The following SH3D19 variants were observed in gnomAD, a reference collection of about 807,000 sequenced individuals.
The protein encoded by SH3D19 is SH3 domain-containing protein 19.
SH3D19 carries 58 observed loss-of-function variants against 112.1 expected under a neutral mutation model. That is an observed-to-expected ratio of 0.52 (90% confidence interval 0.42 to 0.64). SH3D19 has a LOEUF of 0.64. SH3D19 is among the 30% of genes least tolerant of loss of function. The pLI is 0.00. For synonymous variants in SH3D19, 391 were observed against 448.5 expected, an observed-to-expected ratio of 0.87 and a Z score of 1.62; for missense variants, 1,090 against 1,263.4, an observed-to-expected ratio of 0.86 and a Z score of 2.08.
rs113264898 is a variant in SH3D19, at chr4:151,309,684, G to C, written c.112+15557C>G. 6.5e-3 allele frequency among the ~76,000 whole-genome samples: 987 copies of C among 152,242 alleles called. 11 individuals carry two copies. The highest frequency in any genetic ancestry group is 0.023 in the African/African-American group (948 of 41,570). On this transcript the variant is annotated intron_variant, in intron 1 of 19. Coordinates refer to ENST00000604030, the MANE Select transcript of SH3D19 (RefSeq NM_001378122.1). ...ATACCATCTCACATCTGCTAGGATG[G>C]GTATTATCAAAAAGTCAGCCAGAGG...
At chr4:151,167,931 C>A (rs2149812159) in intron 7 of SH3D19, among the ~76,000 whole-genome samples, 1 of 152,388 alleles carries the variant, frequency 6.6e-6, no homozygotes, top group South Asian at 2.1e-4. Flanking sequence ...CGCTGTGCAA[C>A]CTTCCAAGTG....
chr4:151,176,790 C>A (rs1390685920), intron 5 of SH3D19, 27 bp downstream of exon 5: 4 of 1,231,452 alleles, frequency 3.2e-6, no homozygotes, highest in Non-Finnish European at 3.0e-6. Flanking sequence ...AAATAAAATG[C>A]AAAGAGATAA....
At chr4:151,213,112 G>C (rs1766240208) in intron 2 of SH3D19, among the ~76,000 whole-genome samples, 1 of 152,194 alleles carries the variant, frequency 6.6e-6, no homozygotes, top group South Asian at 2.1e-4. Flanking sequence ...TCCTTCTTCT[G>C]GATGAGCAAA....
intron 1 of SH3D19, among the ~76,000 whole-genome samples, chr4:151,260,317 C>G (rs565022207): frequency 6.6e-6 from 1 of 152,306 alleles, no homozygotes; most frequent in East Asian, 1.9e-4. Context: ...TCCTGATGCA[C>G]TTCTATTTGG....
At chr4:151,218,981 C>T (rs1015499085) in intron 2 of SH3D19, among the ~76,000 whole-genome samples, 2 of 152,198 alleles carry the variant, frequency 1.3e-5, no homozygotes, top group Admixed American at 1.3e-4. Flanking sequence ...TATACTGTAA[C>T]TATCCTTCTA....
intron 1 of SH3D19, among the ~76,000 whole-genome samples, chr4:151,315,756 A>G (rs1300470300): frequency 6.6e-6 from 1 of 152,250 alleles, no homozygotes; most frequent in East Asian, 1.9e-4. Context: ...GTCTGAGTAC[A>G]GCCTGAACAA....
chr4:151,145,865 C>T (rs1753834747), intron 11 of SH3D19, among the ~76,000 whole-genome samples: 1 of 152,160 alleles, frequency 6.6e-6, no homozygotes, highest in Non-Finnish European at 1.5e-5. Context: ...TCTTATTTTC[C>T]TCACTTGTTA....
intron 1 of SH3D19, chr4:151,277,086 G>A: frequency 9.8e-7 from 1 of 1,019,532 alleles, no homozygotes; most frequent in Admixed American, 3.2e-5. Flanking sequence ...TCTAGGAGAA[G>A]CTAGTTCTGG....
chr4:151,292,547 T>C (rs1398242887), intron 1 of SH3D19, among the ~76,000 whole-genome samples: 1 of 152,208 alleles, frequency 6.6e-6, no homozygotes, highest in Non-Finnish European at 1.5e-5. Context: ...AAGAGCATTA[T>C]ATCCCATGCT....
chr4:151,272,359 A>G (rs1773288801), intron 1 of SH3D19, among the ~76,000 whole-genome samples: 1 of 152,216 alleles, frequency 6.6e-6, no homozygotes, highest in Non-Finnish European at 1.5e-5. Context: ...ACGAAAGAAT[A>G]GCACTGTGGG....
chr4:151,152,612 G>A (rs182109728), intron 9 of SH3D19, among the ~76,000 whole-genome samples: 406 of 147,862 alleles, frequency 2.7e-3, no homozygotes, highest in Non-Finnish European at 4.1e-3. Flanking sequence ...TCCGCCTCCC[G>A]GGTCCAAGCA....
chr4:151,167,694 C>T (rs560824271), intron 7 of SH3D19, among the ~76,000 whole-genome samples: 1 of 152,318 alleles, frequency 6.6e-6, no homozygotes, highest in South Asian at 2.1e-4. Context: ...GACCGCCGCC[C>T]CATCTGGGAA....
intron 14 of SH3D19, 34 bp downstream of exon 14, chr4:151,137,698 T>C: frequency 1.3e-6 from 2 of 1,553,412 alleles, no homozygotes; most frequent in Non-Finnish European, 1.7e-6. Context: ...CCACTGAGTA[T>C]ATGACCAAAT....
intron 1 of SH3D19, among the ~76,000 whole-genome samples, chr4:151,252,812 C>T (rs998545527): frequency 6.6e-5 from 10 of 152,238 alleles, no homozygotes; most frequent in African/African-American, 2.4e-4. Context: ...GTAAACAGTA[C>T]TTCCACTCTT....
At chr4:151,296,123 G>A (rs750599361) in intron 1 of SH3D19, among the ~76,000 whole-genome samples, 7 of 152,080 alleles carry the variant, frequency 4.6e-5, no homozygotes, top group Non-Finnish European at 1.0e-4. Flanking sequence ...AAAATTAACA[G>A]GGAATAGGTA....
intron 1 of SH3D19, among the ~76,000 whole-genome samples, chr4:151,254,949 G>T (rs1476018963): frequency 6.7e-6 from 1 of 150,194 alleles, no homozygotes; most frequent in Non-Finnish European, 1.5e-5. Flanking sequence ...CAGGCGGGGG[G>T]CTGACGCCCC....
chr4:151,178,261 C>A (rs565956801), intron 4 of SH3D19, among the ~76,000 whole-genome samples: 3 of 152,176 alleles, frequency 2.0e-5, no homozygotes, highest in South Asian at 2.1e-4. Context: ...TGACCCTGAA[C>A]AAATCAATCA....
At chr4:151,267,801 AG>A (rs1387430248) in intron 1 of SH3D19, among the ~76,000 whole-genome samples, 3 of 152,132 alleles carry the variant, frequency 2.0e-5, no homozygotes, top group Admixed American at 2.0e-4. Flanking sequence ...CCCCCTGTAA[AG>A]GGGGACTGGT....
At chr4:151,316,018 G>A (rs1399512309) in intron 1 of SH3D19, among the ~76,000 whole-genome samples, 2 of 152,056 alleles carry the variant, frequency 1.3e-5, no homozygotes, top group Non-Finnish European at 2.9e-5. Flanking sequence ...GGGAGGGAGA[G>A]TGGACGCCAA....
Sources: allele counts gnomAD v4.1 joint callset (sites outside exome capture counted in the v4.1 genomes callset), GRCh38; gene constraint gnomAD v4.1.1; transcripts MANE v1.5; gene names NCBI Gene and HGNC (gene_info 2026-07-23, HGNC 2026-07-21).